The following KATNIP variants were observed in gnomAD, a reference collection of about 807,000 sequenced individuals.
KATNIP encodes katanin-interacting protein.
A neutral mutation model predicts 174.0 loss-of-function variants in KATNIP; 126 were observed. The observed-to-expected ratio is 0.72, with a 90% CI of 0.63 to 0.84. KATNIP has a LOEUF of 0.84. Among genes scored for constraint, KATNIP ranks in the 40% least tolerant of loss-of-function variants. The probability of loss-of-function intolerance (pLI) is 0.00; values close to 1 mark genes in which losing one functional copy is unlikely to be tolerated. For synonymous variants in KATNIP, 810 were observed against 835.7 expected, an observed-to-expected ratio of 0.97 and a Z score of 0.53; for missense variants, 1,958 against 2,109.7, an observed-to-expected ratio of 0.93 and a Z score of 1.41.
intron 14 of KATNIP, among the ~76,000 whole-genome samples, chr16:27,732,379 G>A (rs1055950700): frequency 6.6e-6 from 1 of 152,224 alleles, no homozygotes; most frequent in Non-Finnish European, 1.5e-5. Context: ...AAAAGACCAT[G>A]AATGAAGGTC....
chr16:27,662,231 G>A (rs943386637), intron 6 of KATNIP, among the ~76,000 whole-genome samples: 1 of 150,900 alleles, frequency 6.6e-6, no homozygotes, highest in African/African-American at 2.4e-5. Context: ...ACCATGCCCA[G>A]CCTAATTCAC....
chr16:27,624,207 G>A (rs1055435644), intron 3 of KATNIP, among the ~76,000 whole-genome samples: 6 of 152,036 alleles, frequency 3.9e-5, no homozygotes, highest in Non-Finnish European at 8.8e-5. Flanking sequence ...GAAACTTTGT[G>A]TTCAAAGGGC....
At chr16:27,662,067 T>TACACACATAC (rs1250649383) in intron 6 of KATNIP, among the ~76,000 whole-genome samples, 1 of 93,460 alleles carries the variant, frequency 1.1e-5, no homozygotes, top group Non-Finnish European at 2.0e-5. Flanking sequence ...TATATATATA[T>TACACACATAC]ATATACACAC....
At chr16:27,707,344 G>A (rs1171740461) in intron 12 of KATNIP, among the ~76,000 whole-genome samples, 2 of 152,184 alleles carry the variant, frequency 1.3e-5, no homozygotes, top group East Asian at 3.9e-4. Flanking sequence ...TCCGAACGGT[G>A]GCCATTTATT....
intron 5 of KATNIP, among the ~76,000 whole-genome samples, chr16:27,646,347 C>T (rs377544020): frequency 3.3e-5 from 5 of 152,274 alleles, no homozygotes; most frequent in African/African-American, 7.2e-5. Context: ...CTCTTTCCCA[C>T]GGCTCTAACA....
At chr16:27,610,594 G>C (rs1421811673) in intron 2 of KATNIP, among the ~76,000 whole-genome samples, 1 of 152,134 alleles carries the variant, frequency 6.6e-6, no homozygotes, top group Admixed American at 6.6e-5. Flanking sequence ...TTGCTTGACT[G>C]GTTGCAGTTG....
chr16:27,671,971 G>T (rs1353762812), intron 6 of KATNIP, among the ~76,000 whole-genome samples: 1 of 152,158 alleles, frequency 6.6e-6, no homozygotes, highest in Non-Finnish European at 1.5e-5. Context: ...CAGGAGAATC[G>T]CTTGAACCCG....
intron 8 of KATNIP, chr16:27,687,602 C>T (rs989652022): frequency 6.6e-6 from 1 of 152,204 alleles, no homozygotes; most frequent in Non-Finnish European, 1.5e-5. Context: ...GCTCCAACCT[C>T]AATCCGTAAG....
Position 27,618,430 on chromosome 16 carries a change from C to T in KATNIP, c.69C>T (p.Tyr23=), listed in dbSNP as rs144603611. ...WSCSREKKEG[Y]AKDMVTDFDE... ...GCTCTGTTTCTTCATTTCAGGGTTA[C>T]GCTAAGGACATGGTGACAGACTTTG... The change falls in exon 3 of 28, where the codon TAC becomes TAT. Residue 23 remains tyrosine (Y), a synonymous_variant. Transcript: ENST00000261588. The T allele has an allele frequency of 2.4e-5, 39 of 1,611,566 alleles. No homozygotes were observed. In the East Asian group the frequency reaches 3.3e-4, roughly 14 times the overall value.
intron 6 of KATNIP, among the ~76,000 whole-genome samples, chr16:27,651,644 G>A (rs1458228200): frequency 6.6e-6 from 1 of 152,208 alleles, no homozygotes; most frequent in Non-Finnish European, 1.5e-5. Context: ...GCTTGCTGCA[G>A]ACATGTTCTG....
chr16:27,769,172 G>A (rs1427561316), intron 20 of KATNIP, among the ~76,000 whole-genome samples: 1 of 152,234 alleles, frequency 6.6e-6, no homozygotes, highest in Non-Finnish European at 1.5e-5. Context: ...TGTGTTCCAG[G>A]CCCTGAGGCA....
intron 1 of KATNIP, among the ~76,000 whole-genome samples, chr16:27,560,283 G>GAA (rs765910684): frequency 1.5e-3 from 67 of 44,828 alleles, no homozygotes; most frequent in African/African-American, 3.1e-3. Context: ...CTCTGTCTCA[G>GAA]AAAAAAAAAA....
At chr16:27,588,261 A>C (rs1201850881) in intron 2 of KATNIP, among the ~76,000 whole-genome samples, 1 of 152,050 alleles carries the variant, frequency 6.6e-6, no homozygotes, top group Non-Finnish European at 1.5e-5. Context: ...AAAAATGCCT[A>C]CTTTGCATTA....
intron 6 of KATNIP, among the ~76,000 whole-genome samples, chr16:27,664,504 C>T (rs1000393758): frequency 2.6e-5 from 4 of 152,134 alleles, no homozygotes; most frequent in African/African-American, 9.7e-5. Context: ...CACACCACAC[C>T]CATAGGTATA....
At chr16:27,603,100 A>T (rs1481289020) in intron 2 of KATNIP, among the ~76,000 whole-genome samples, 1 of 152,238 alleles carries the variant, frequency 6.6e-6, no homozygotes, top group Non-Finnish European at 1.5e-5. Flanking sequence ...GGCTTGGGCC[A>T]TCTGGTTGTC....
At chr16:27,724,196 A>G (rs1261601197) in intron 14 of KATNIP, among the ~76,000 whole-genome samples, 1 of 152,142 alleles carries the variant, frequency 6.6e-6, no homozygotes, top group South Asian at 2.1e-4. Context: ...CCCAGCCCAC[A>G]TAGCCATGGC....
intron 14 of KATNIP, among the ~76,000 whole-genome samples, chr16:27,729,536 C>G (rs1555486461): frequency 6.6e-6 from 1 of 152,060 alleles, no homozygotes; most frequent in Non-Finnish European, 1.5e-5. Flanking sequence ...TTCTTTTTCT[C>G]TTAGAACATA....
At chr16:27,551,362 C>CT (rs1221203478) in intron 1 of KATNIP, among the ~76,000 whole-genome samples, 1 of 152,124 alleles carries the variant, frequency 6.6e-6, no homozygotes, top group Non-Finnish European at 1.5e-5. Context: ...TAAAATATAT[C>CT]TTTTCCCTTT....
At chr16:27,652,964 A>C (rs2077162387) in intron 6 of KATNIP, among the ~76,000 whole-genome samples, 1 of 152,152 alleles carries the variant, frequency 6.6e-6, no homozygotes, top group African/African-American at 2.4e-5. Flanking sequence ...ATGCCACTGC[A>C]CTCCAGCCTG....
Sources: gnomAD v4.1 joint callset for allele counts (sites outside exome capture counted in the v4.1 genomes callset) on GRCh38, gnomAD v4.1.1 for gene constraint, MANE v1.5 for transcripts, NCBI Gene and HGNC (gene_info 2026-07-23, HGNC 2026-07-21) for gene names.